The following TOP6BL variants were observed in gnomAD, a reference collection of about 807,000 sequenced individuals.
TOP6BL encodes type 2 DNA topoisomerase 6 subunit B-like.
the TOP6BL span, among the ~76,000 whole-genome samples, chr11:66,829,314 G>A: frequency 1.3e-5 from 2 of 150,728 alleles, no homozygotes; most frequent in East Asian, 2.0e-4. Flanking sequence ...TGGTGGCTAC[G>A]CCTGTAATCC....
the TOP6BL span, among the ~76,000 whole-genome samples, chr11:66,797,646 A>C: frequency 3.3e-5 from 5 of 152,066 alleles, no homozygotes; most frequent in African/African-American, 1.2e-4. Context: ...CTGGGATTAC[A>C]GGTGTGCACC....
chr11:66,841,339 A>G, the TOP6BL span, among the ~76,000 whole-genome samples: 1 of 151,734 alleles, frequency 6.6e-6, no homozygotes, highest in African/African-American at 2.4e-5. Context: ...GCTGGTCTCA[A>G]TCTCCTGACC....
chr11:66,830,988 G>C, the TOP6BL span, among the ~76,000 whole-genome samples: 1 of 151,976 alleles, frequency 6.6e-6, no homozygotes, highest in Non-Finnish European at 1.5e-5. Context: ...AGAAGCTACA[G>C]ATACACAAAT....
At chr11:66,793,304 G>T in the TOP6BL span, among the ~76,000 whole-genome samples, 1 of 151,602 alleles carries the variant, frequency 6.6e-6, no homozygotes, top group African/African-American at 2.4e-5. Flanking sequence ...TGTTGGCCAG[G>T]CTGGTCTTGA....
At chr11:66,771,244 C>T in the TOP6BL span, 1 of 151,566 alleles carries the variant, frequency 6.6e-6, no homozygotes, top group Non-Finnish European at 1.5e-5. Flanking sequence ...AAGCAATCCT[C>T]CCACCTCGGC....
At chr11:66,843,232 T>A in the TOP6BL span, 2 of 1,609,062 alleles carry the variant, frequency 1.2e-6, no homozygotes, top group Non-Finnish European at 1.7e-6. Flanking sequence ...CCCTGGGCCC[T>A]GAGCCGGGTC....
the TOP6BL span, among the ~76,000 whole-genome samples, chr11:66,840,991 C>G: frequency 6.6e-6 from 1 of 152,060 alleles, no homozygotes; most frequent in Admixed American, 6.6e-5. Context: ...GGCAGCTCCT[C>G]GTGGAGGTCC....
chr11:66,777,042 A>ACTATATCTATATAT, the TOP6BL span, among the ~76,000 whole-genome samples: 2 of 145,900 alleles, frequency 1.4e-5, no homozygotes, highest in East Asian at 4.1e-4. Context: ...TGTTGTAATC[A>ACTATATCTATATAT]CTATATCTAT....
chr11:66,842,918 T>G, the TOP6BL span: 1 of 1,565,042 alleles, frequency 6.4e-7, no homozygotes, highest in South Asian at 1.2e-5. Flanking sequence ...ATGCGAGCTC[T>G]GCGCTCTGCC....
At chr11:66,800,765 T>C in the TOP6BL span, 2 of 1,351,806 alleles carry the variant, frequency 1.5e-6, no homozygotes, top group African/African-American at 2.9e-5. Flanking sequence ...ATTATTGTCC[T>C]ATTTCCAAAA....
chr11:66,813,806 A>T, the TOP6BL span: 3 of 1,490,334 alleles, frequency 2.0e-6, no homozygotes, highest in Non-Finnish European at 2.8e-6. Context: ...TGTTTGTTAT[A>T]CAAGTGAATA....
At chr11:66,785,678 G>A in the TOP6BL span, among the ~76,000 whole-genome samples, 1 of 152,046 alleles carries the variant, frequency 6.6e-6, no homozygotes, top group African/African-American at 2.4e-5. Flanking sequence ...CCACTTACAT[G>A]AAATGGCTCT....
chr11:66,756,402 G>A, the TOP6BL span: 23 of 1,145,430 alleles, frequency 2.0e-5, no homozygotes, highest in Admixed American at 3.2e-5. Flanking sequence ...GCGCAGTCTC[G>A]GCTCACTGCA....
chr11:66,754,803 C>T, the TOP6BL span, among the ~76,000 whole-genome samples: 1 of 152,094 alleles, frequency 6.6e-6, no homozygotes, highest in Non-Finnish European at 1.5e-5. Context: ...GATTCTCGTC[C>T]CAAAGATTGA....
chr11:66,752,476 G>A, the TOP6BL span, among the ~76,000 whole-genome samples: 1 of 151,412 alleles, frequency 6.6e-6, no homozygotes, highest in Non-Finnish European at 1.5e-5. Flanking sequence ...TTTTGAGATG[G>A]AGTTTCACTC....
At chr11:66,814,124 T>C in the TOP6BL span, 2 of 1,234,624 alleles carry the variant, frequency 1.6e-6, no homozygotes, top group Admixed American at 4.7e-5. Flanking sequence ...AGAGATCTGA[T>C]GGCCCAGGTT....
the TOP6BL span, among the ~76,000 whole-genome samples, chr11:66,795,049 G>A: frequency 2.0e-5 from 3 of 151,670 alleles, no homozygotes; most frequent in Admixed American, 1.3e-4. Context: ...CAGGAGAATC[G>A]CTTGAACCCG....
At chr11:66,798,214 A>G in the TOP6BL span, among the ~76,000 whole-genome samples, 1 of 152,214 alleles carries the variant, frequency 6.6e-6, no homozygotes, top group Admixed American at 6.5e-5. Flanking sequence ...TATAAAAGTC[A>G]GATGGAGAAG....
the TOP6BL span, chr11:66,821,717 C>T: frequency 1.2e-6 from 2 of 1,613,358 alleles, no homozygotes; most frequent in Non-Finnish European, 1.7e-6. Context: ...AGGTTCCATC[C>T]AATTCACTGT....
Sources: gnomAD v4.1 joint callset for allele counts (sites outside exome capture counted in the v4.1 genomes callset) on GRCh38, gnomAD v4.1.1 for gene constraint, MANE v1.5 for transcripts, NCBI Gene and HGNC (gene_info 2026-07-23, HGNC 2026-07-21) for gene names.